KCNMA1: variants seen among roughly 807,000 people sequenced by gnomAD.
KCNMA1 encodes the protein Calcium-activated potassium channel subunit alpha-1.
A neutral mutation model predicts 140.0 loss-of-function variants in KCNMA1; 29 were observed. The observed-to-expected ratio is 0.21, with a 90% confidence interval of 0.15 to 0.28. The LOEUF (loss-of-function observed/expected upper bound fraction) is 0.28. KCNMA1 is among the 10% of genes least tolerant of loss of function. The probability of loss-of-function intolerance (pLI) is 1.00; values close to 1 mark genes in which losing one functional copy is unlikely to be tolerated. For synonymous variants in KCNMA1, 612 were observed against 611.9 expected (o/e 1.00, Z 0.00); for missense variants, 880 against 1,602.2 (o/e 0.55, Z 7.70).
At chr10:77,151,208 CTTTCTT>C (rs1564839390) in intron 5 of KCNMA1, among the ~76,000 whole-genome samples, 1 of 3,094 alleles carries the variant, frequency 3.2e-4, no homozygotes, top group African/African-American at 1.4e-3. Context: ...CTCTCTCTCT[CTTTCTT>C]TCTTTCCTTC....
At chr10:77,049,866 C>T (rs984646155) in intron 14 of KCNMA1, among the ~76,000 whole-genome samples, 1 of 152,154 alleles carries the variant, frequency 6.6e-6, no homozygotes, top group Admixed American at 6.5e-5. Flanking sequence ...TTACTATGAG[C>T]AATATTTTCT....
At position 76,885,126 on chromosome 10, in the gene KCNMA1, G is replaced by A; in HGVS notation, c.*2140C>T. Reference sequence around the variant, plus strand: ...TCTTATAGTTATAAATGTTCTGAGGGCGTAACTTTATAACCTCCTTTGCAA... The same window carrying A: ...TCTTATAGTTATAAATGTTCTGAGGACGTAACTTTATAACCTCCTTTGCAA... On this transcript the variant is annotated 3_prime_UTR_variant, in exon 28 of 28. Coordinates refer to ENST00000286628, the MANE Select transcript of KCNMA1 (RefSeq NM_001161352.2). 1 of 1,462,224 alleles carries A rather than the reference G, an allele frequency of 6.8e-7. No homozygotes were observed. The highest frequency in any genetic ancestry group is 9.1e-7 in the Non-Finnish European group (1 of 1,104,912). 90.6% of individuals were successfully genotyped at this position (1,462,224 alleles called of 1,614,324 possible). A position where few individuals can be genotyped will look rare whatever the true frequency, so the allele number is the denominator to read the frequency against.
intron 2 of KCNMA1, among the ~76,000 whole-genome samples, chr10:77,331,464 G>A (rs586182): frequency 0.84 from 128,261 of 151,974 alleles, 54,357 homozygotes; most frequent in African/African-American, 0.91. Context: ...GAAGGCAGTG[G>A]AGGGTATTTT....
chr10:77,510,116 G>A (rs1357043987), intron 1 of KCNMA1, among the ~76,000 whole-genome samples: 1 of 152,088 alleles, frequency 6.6e-6, no homozygotes. Flanking sequence ...AGAGATTTGG[G>A]GATTCACACA....
rs376796106 is a variant in KCNMA1, at chr10:77,551,595, T to G, written c.378+85670A>C. Among the ~76,000 whole-genome samples the G allele has an allele frequency of 2.4e-4, 36 of 152,344 alleles. No individual in the cohort carries two copies. The South Asian group carries it at 7.5e-3, about 32-fold the overall frequency. ...GAACCGTTTCCAACTAAACTGGTCC[T>G]GCCTAGGGCCTGGAAAAACACACTG... On this transcript the variant is annotated intron_variant, in intron 1 of 27. Coordinates refer to ENST00000286628, the MANE Select transcript of KCNMA1 (RefSeq NM_001161352.2).
At chr10:77,440,759 G>A (rs540143382) in intron 1 of KCNMA1, among the ~76,000 whole-genome samples, 69 of 152,302 alleles carry the variant, frequency 4.5e-4, no homozygotes, top group African/African-American at 1.6e-3. Flanking sequence ...GAGTGAGCAG[G>A]ACTTGAACAG....
chr10:77,467,115 C>A (rs1160111128), intron 1 of KCNMA1, among the ~76,000 whole-genome samples: 1 of 152,154 alleles, frequency 6.6e-6, no homozygotes, highest in Non-Finnish European at 1.5e-5. Context: ...AAAGCCATTG[C>A]CACCTCCATT....
intron 1 of KCNMA1, among the ~76,000 whole-genome samples, chr10:77,430,580 T>G (rs2097131931): frequency 1.3e-5 from 2 of 152,182 alleles, no homozygotes; most frequent in Admixed American, 6.5e-5. Flanking sequence ...AATACTCACC[T>G]AGGAACAACG....
intron 1 of KCNMA1, among the ~76,000 whole-genome samples, chr10:77,555,615 G>C (rs2064117360): frequency 6.6e-6 from 1 of 152,170 alleles, no homozygotes; most frequent in Non-Finnish European, 1.5e-5. Context: ...TTTAAACAGA[G>C]TCCTGTGCTG....
intron 1 of KCNMA1, among the ~76,000 whole-genome samples, chr10:77,404,678 T>C (rs992131149): frequency 2.6e-5 from 4 of 152,198 alleles, no homozygotes; most frequent in African/African-American, 9.7e-5. Flanking sequence ...ACCCAGCCTC[T>C]ATGCCCCTTT....
At chr10:77,326,069 G>T (rs1193948411) in intron 2 of KCNMA1, among the ~76,000 whole-genome samples, 1 of 152,154 alleles carries the variant, frequency 6.6e-6, no homozygotes, top group African/African-American at 2.4e-5. Context: ...GCCTTACATG[G>T]GGTATGGAAC....
At chr10:77,355,018 T>C (rs1320345408) in intron 2 of KCNMA1, among the ~76,000 whole-genome samples, 2 of 152,204 alleles carry the variant, frequency 1.3e-5, no homozygotes, top group African/African-American at 2.4e-5. Context: ...TCCCACGTAT[T>C]GTGGGAGGGA....
intron 1 of KCNMA1, among the ~76,000 whole-genome samples, chr10:77,431,891 G>A (rs2097162601): frequency 6.6e-6 from 1 of 152,042 alleles, no homozygotes; most frequent in Non-Finnish European, 1.5e-5. Context: ...TACTCGGGAG[G>A]TTGAGGCACG....
intron 2 of KCNMA1, among the ~76,000 whole-genome samples, chr10:77,400,102 T>A (rs1287252245): frequency 6.6e-6 from 1 of 152,232 alleles, no homozygotes; most frequent in African/African-American, 2.4e-5. Context: ...GTTGCAGGGA[T>A]AAACATTTGG....
chr10:77,122,260 G>A (rs1448988607), intron 5 of KCNMA1, among the ~76,000 whole-genome samples: 1 of 152,170 alleles, frequency 6.6e-6, no homozygotes, highest in East Asian at 1.9e-4. Flanking sequence ...CAAGGAAAGA[G>A]GGAGAAAAGG....
At chr10:76,959,386 T>C (rs1219844866) in intron 20 of KCNMA1, among the ~76,000 whole-genome samples, 1 of 152,234 alleles carries the variant, frequency 6.6e-6, no homozygotes, top group Non-Finnish European at 1.5e-5. Context: ...AGCCAAAATG[T>C]CTGTCTTCAA....
intron 2 of KCNMA1, among the ~76,000 whole-genome samples, chr10:77,402,742 G>A (rs1476044719): frequency 6.6e-6 from 1 of 152,184 alleles, no homozygotes; most frequent in Non-Finnish European, 1.5e-5. Context: ...GAGACTCAGA[G>A]ATAATGACTG....
At position 77,301,330 on chromosome 10, in the gene KCNMA1, T is replaced by G. The variant is rs368955637; in HGVS notation, c.541-50074A>C. 5.9e-5 allele frequency among the ~76,000 whole-genome samples: 9 copies of G among 152,344 alleles called. No homozygotes were observed. In the East Asian group the frequency reaches 1.7e-3, roughly 29 times the overall value. On this transcript the variant is annotated intron_variant, in intron 2 of 27. Coordinates refer to ENST00000286628, the MANE Select transcript of KCNMA1 (RefSeq NM_001161352.2). ...TTATTTTGAACTTTGTAGAAATCTT[T>G]TGACTTACAAATGACCTAATTCTCT...
chr10:77,167,537 G>A (rs1006721019), intron 5 of KCNMA1, among the ~76,000 whole-genome samples: 3 of 152,030 alleles, frequency 2.0e-5, no homozygotes, highest in Non-Finnish European at 4.4e-5. Context: ...TTTAAGGTTT[G>A]TTGAGTGAAT....
Sources: allele counts gnomAD v4.1 joint callset (sites outside exome capture counted in the v4.1 genomes callset), GRCh38; gene constraint gnomAD v4.1.1; transcripts MANE v1.5; gene names NCBI Gene and HGNC (gene_info 2026-07-23, HGNC 2026-07-21).